The following ROBO2 variants were observed in gnomAD, a reference collection of about 807,000 sequenced individuals.
ROBO2 encodes roundabout guidance receptor 2, also known as roundabout homolog 2.
Under a neutral mutation model 160.8 loss-of-function variants are expected in ROBO2, and 53 were observed. The ratio of observed to expected loss-of-function variants is 0.33; its 90% CI spans 0.26 to 0.41. ROBO2 has a LOEUF of 0.41. Among genes scored for constraint, ROBO2 ranks in the 10% least tolerant of loss-of-function variants. The pLI, the probability that ROBO2 is intolerant of heterozygous loss-of-function variation, is 1.00. For synonymous variants in ROBO2, 664 were observed against 611.7 expected (o/e 1.09, Z -1.26); for missense variants, 1,577 against 1,722.4 (o/e 0.92, Z 1.49).
At chr3:76,653,882 T>C (rs1461069391) in intron 2 of ROBO2, among the ~76,000 whole-genome samples, 1 of 152,176 alleles carries the variant, frequency 6.6e-6, no homozygotes, top group Non-Finnish European at 1.5e-5. Context: ...TTAATTATAG[T>C]GGTCAAAAGT....
chr3:77,469,396 C>T (rs977276588), intron 2 of ROBO2, among the ~76,000 whole-genome samples: 2 of 152,014 alleles, frequency 1.3e-5, no homozygotes, highest in African/African-American at 2.4e-5. Flanking sequence ...GTGCTTTTTT[C>T]ATGTGCAGAG....
chr3:76,162,596 A>C (rs1209601377), intron 2 of ROBO2, among the ~76,000 whole-genome samples: 1 of 152,194 alleles, frequency 6.6e-6, no homozygotes, highest in East Asian at 1.9e-4. Flanking sequence ...TATAGGCATG[A>C]GCCACTGGGA....
chr3:77,421,779 C>A (rs753310281), intron 2 of ROBO2, among the ~76,000 whole-genome samples: 30 of 151,874 alleles, frequency 2.0e-4, no homozygotes, highest in Non-Finnish European at 3.7e-4. Context: ...TAACATTTAT[C>A]AGTAATCCAT....
intron 1 of ROBO2, among the ~76,000 whole-genome samples, chr3:77,058,268 A>C (rs939091097): frequency 5.9e-5 from 9 of 152,178 alleles, no homozygotes; most frequent in African/African-American, 1.9e-4. Flanking sequence ...AAAAAATGGA[A>C]ATTGAAAAGT....
intron 2 of ROBO2, among the ~76,000 whole-genome samples, chr3:76,331,975 C>T (rs533893861): frequency 2.2e-4 from 33 of 152,202 alleles, no homozygotes; most frequent in African/African-American, 6.3e-4. Flanking sequence ...TGAGCCACTG[C>T]GCCCGCCCTA....
At chr3:77,313,223 T>C (rs1187938506) in intron 2 of ROBO2, among the ~76,000 whole-genome samples, 2 of 152,154 alleles carry the variant, frequency 1.3e-5, no homozygotes, top group Non-Finnish European at 2.9e-5. Context: ...AGTTCAGTGG[T>C]TTTTCCATTT....
At position 76,049,628 on chromosome 3, in the gene ROBO2, T is replaced by A. The variant is rs59826747; in HGVS notation, c.109+112026T>A. On this transcript the variant is annotated intron_variant, in intron 2 of 26. Transcript: ENST00000487694. Reference sequence around the variant, plus strand: ...GGCCTAAATATTTTCTAAGTAAAGTTATTTATATCACACTCTTTACAGAAG... The same window carrying A: ...GGCCTAAATATTTTCTAAGTAAAGTAATTTATATCACACTCTTTACAGAAG... Among the ~76,000 whole-genome samples the A allele has an allele frequency of 4.1e-3, 630 of 151,904 alleles. 2 individuals carry two copies. The highest frequency in any genetic ancestry group is 0.014 in the African/African-American group (580 of 41,344).
intron 2 of ROBO2, among the ~76,000 whole-genome samples, chr3:76,443,613 T>C (rs1389758344): frequency 6.6e-6 from 1 of 152,162 alleles, no homozygotes; most frequent in Admixed American, 6.6e-5. Flanking sequence ...GGGTCTACCA[T>C]GTACAAGGTA....
chr3:77,508,759 T>G (rs993168245), intron 5 of ROBO2, among the ~76,000 whole-genome samples: 1 of 152,090 alleles, frequency 6.6e-6, no homozygotes, highest in Non-Finnish European at 1.5e-5. Context: ...AATCTGTTTA[T>G]AATTTTTATC....
At chr3:76,989,667 T>C (rs931408976) in intron 2 of ROBO2, among the ~76,000 whole-genome samples, 6 of 152,160 alleles carry the variant, frequency 3.9e-5, no homozygotes, top group Admixed American at 3.9e-4. Flanking sequence ...TTTTCTCCTA[T>C]GTGCTCTAAT....
intron 2 of ROBO2, among the ~76,000 whole-genome samples, chr3:76,185,877 G>A (rs1226607315): frequency 6.6e-6 from 1 of 151,760 alleles, no homozygotes; most frequent in African/African-American, 2.4e-5. Flanking sequence ...CAAACTGATG[G>A]TGAGAAAATA....
intron 2 of ROBO2, among the ~76,000 whole-genome samples, chr3:77,395,080 C>T (rs1314290210): frequency 1.3e-5 from 2 of 152,082 alleles, no homozygotes; most frequent in Admixed American, 1.3e-4. Context: ...TGTATAGATG[C>T]ATAACGGAAG....
intron 2 of ROBO2, among the ~76,000 whole-genome samples, chr3:76,822,366 A>C (rs1277407520): frequency 6.6e-6 from 1 of 151,986 alleles, no homozygotes; most frequent in Non-Finnish European, 1.5e-5. Context: ...ATTATTCCAT[A>C]AATATAGACC....
At chr3:76,711,851 G>C (rs2093300613) in intron 2 of ROBO2, among the ~76,000 whole-genome samples, 1 of 152,040 alleles carries the variant, frequency 6.6e-6, no homozygotes, top group African/African-American at 2.4e-5. Flanking sequence ...TTCTTCCTGG[G>C]AGCCACGTTT....
intron 2 of ROBO2, among the ~76,000 whole-genome samples, chr3:76,694,363 C>G (rs1316137531): frequency 6.6e-6 from 1 of 152,094 alleles, no homozygotes; most frequent in African/African-American, 2.4e-5. Context: ...TCACTTCCTA[C>G]GATCCAATAG....
At chr3:76,799,130 C>T (rs2063999745) in intron 2 of ROBO2, among the ~76,000 whole-genome samples, 1 of 151,874 alleles carries the variant, frequency 6.6e-6, no homozygotes. Flanking sequence ...AGGAGAATCA[C>T]TTGAACCCAG....
intron 2 of ROBO2, among the ~76,000 whole-genome samples, chr3:77,252,503 T>G (rs2090450457): frequency 1.3e-5 from 2 of 152,036 alleles, no homozygotes. Context: ...GCATTTTATA[T>G]ATCATTATTA....
chr3:77,446,258 C>T (rs1343340861), intron 2 of ROBO2, among the ~76,000 whole-genome samples: 1 of 152,096 alleles, frequency 6.6e-6, no homozygotes, highest in Non-Finnish European at 1.5e-5. Context: ...GCTATACACA[C>T]ACACACACAT....
chr3:76,933,554 T>C (rs1280027735), intron 2 of ROBO2, among the ~76,000 whole-genome samples: 1 of 152,218 alleles, frequency 6.6e-6, no homozygotes, highest in Non-Finnish European at 1.5e-5. Flanking sequence ...AATTTATTGA[T>C]GGATATTTGT....
Sources: allele counts gnomAD v4.1 joint callset (sites outside exome capture counted in the v4.1 genomes callset), GRCh38; gene constraint gnomAD v4.1.1; transcripts MANE v1.5; gene names NCBI Gene and HGNC (gene_info 2026-07-23, HGNC 2026-07-21).